The following RYR2 variants were observed in gnomAD, a reference collection of about 807,000 sequenced individuals.
RYR2 encodes the protein cardiac muscle ryanodine receptor-calcium release channel.
A neutral mutation model predicts 601.1 loss-of-function variants in RYR2; 227 were observed. That is an observed-to-expected ratio of 0.38 (90% CI 0.34 to 0.42). The LOEUF (loss-of-function observed/expected upper bound fraction) is 0.42. Ranked by LOEUF, RYR2 falls within the 10% of genes least tolerant of loss-of-function variation. The pLI is 1.00. For missense variants in RYR2, 4,646 were observed against 6,156.5 expected, an observed-to-expected ratio of 0.75 and a Z score of 8.21; for synonymous variants, 2,223 against 2,175.1, an observed-to-expected ratio of 1.02 and a Z score of -0.61.
intron 1 of RYR2, among the ~76,000 whole-genome samples, chr1:237,263,740 G>A (rs1688760725): frequency 6.6e-6 from 1 of 152,142 alleles, no homozygotes. Flanking sequence ...GGTCATCTAT[G>A]TATCTATTTA....
At chr1:237,181,739 A>G (rs1361216349) in intron 1 of RYR2, among the ~76,000 whole-genome samples, 1 of 152,252 alleles carries the variant, frequency 6.6e-6, no homozygotes, top group African/African-American at 2.4e-5. Context: ...ACTGTGCTGC[A>G]TGAATGTAAA....
At chr1:237,068,248 G>C (rs1465280044) in intron 1 of RYR2, among the ~76,000 whole-genome samples, 2 of 152,056 alleles carry the variant, frequency 1.3e-5, no homozygotes, top group Non-Finnish European at 2.9e-5. Flanking sequence ...GACATGCAGA[G>C]ACGAGGACAT....
chr1:237,573,709 G>A (rs1672943639), intron 29 of RYR2, among the ~76,000 whole-genome samples: 1 of 151,688 alleles, frequency 6.6e-6, no homozygotes, highest in African/African-American at 2.4e-5. Flanking sequence ...CTACTCGGGA[G>A]GCTGAGGCAG....
intron 8 of RYR2, among the ~76,000 whole-genome samples, chr1:237,381,440 A>G (rs886548830): frequency 6.6e-6 from 1 of 152,176 alleles, no homozygotes; most frequent in Non-Finnish European, 1.5e-5. Context: ...TAAGTTTAAC[A>G]ATGTGTCTGA....
intron 100 of RYR2, among the ~76,000 whole-genome samples, chr1:237,817,820 T>A (rs146617270): frequency 1.3e-5 from 2 of 152,330 alleles, no homozygotes; most frequent in African/African-American, 4.8e-5. Flanking sequence ...TTAAGGCTTT[T>A]GTCCCCATCA....
chr1:237,728,995 CT>C (rs921497881), intron 76 of RYR2, among the ~76,000 whole-genome samples: 5 of 151,850 alleles, frequency 3.3e-5, no homozygotes, highest in African/African-American at 1.2e-4. Flanking sequence ...ATTATCATTT[CT>C]TTTTGGTTAC....
At chr1:237,434,501 TC>T (rs1241033351) in intron 12 of RYR2, among the ~76,000 whole-genome samples, 1 of 152,226 alleles carries the variant, frequency 6.6e-6, no homozygotes, top group Non-Finnish European at 1.5e-5. Context: ...CTTTCTCTAT[TC>T]CTAGAAGTTG....
rs976774748 is a variant in RYR2 at position 237,808,800 on chromosome 1, G to A, written c.14299-101G>A. The A allele has an allele frequency of 1.5e-5, 16 of 1,064,170 alleles. No homozygotes were observed. The East Asian group carries it at 2.7e-4, about 18-fold the overall frequency. 65.9% of individuals were successfully genotyped at this position (1,064,170 alleles called of 1,614,324 possible). A position where few individuals can be genotyped will look rare whatever the true frequency, so the allele number is the denominator to read the frequency against. ...GATCCCATTAGCTTCTAGTAAACAC[G>A]GCTGTGTTCTCACTAGAGCACTCGC... On this transcript the variant is annotated intron_variant, in intron 99 of 104. Transcript: ENST00000366574.
intron 84 of RYR2, among the ~76,000 whole-genome samples, chr1:237,764,593 C>A (rs1693700090): frequency 6.6e-6 from 1 of 151,774 alleles, no homozygotes; most frequent in Non-Finnish European, 1.5e-5. Flanking sequence ...GGATTACAGG[C>A]CTGCCACCAC....
At position 237,727,107 on chromosome 1, in the gene RYR2, T is replaced by C. The variant is rs767479069; in HGVS notation, c.10746T>C (p.Ser3582=). 1.3e-6 allele frequency: 2 copies of C among 1,591,830 alleles called. No individual in the cohort carries two copies. The highest frequency in any genetic ancestry group is 1.7e-6 in the Non-Finnish European group (2 of 1,160,020). ...HYCLVEHPQR[S]KKAVWHKLLS... ...CTCAGGTGGAACATCCTCAGAGATC[T>C]AAAAAGGCTGTATGGCATAAACTAC... The change falls in exon 76 of 105, where the codon TCT becomes TCC. Residue 3582 remains serine, a synonymous_variant. Transcript: ENST00000366574.
At chr1:237,112,703 T>C (rs1397750234) in intron 1 of RYR2, among the ~76,000 whole-genome samples, 1 of 152,226 alleles carries the variant, frequency 6.6e-6, no homozygotes, top group East Asian at 1.9e-4. Context: ...AATTATGGTT[T>C]TATGTTTTTA....
intron 36 of RYR2, among the ~76,000 whole-genome samples, chr1:237,611,662 T>G (rs2148579335): frequency 6.6e-6 from 1 of 152,210 alleles, no homozygotes; most frequent in South Asian, 2.1e-4. Context: ...AAGATTTCCC[T>G]CCCAAAATGC....
chr1:237,760,162 G>A (rs1170320373), intron 83 of RYR2, among the ~76,000 whole-genome samples: 1 of 150,408 alleles, frequency 6.6e-6, no homozygotes, highest in Non-Finnish European at 1.5e-5. Context: ...CTGGGTAACA[G>A]GGCAAGACTC....
chr1:237,567,073 C>G (rs1231050943), intron 28 of RYR2, among the ~76,000 whole-genome samples: 1 of 151,046 alleles, frequency 6.6e-6, no homozygotes, highest in Non-Finnish European at 1.5e-5. Flanking sequence ...ATTGACGCAG[C>G]GATTCCGTAT....
At chr1:237,577,551 T>TGTGAGAGAGA (rs1559055386) in intron 29 of RYR2, among the ~76,000 whole-genome samples, 2 of 129,514 alleles carry the variant, frequency 1.5e-5, no homozygotes, top group Non-Finnish European at 3.5e-5. Flanking sequence ...TGTGTGTGTT[T>TGTGAGAGAGA]GAGAGAGAGA....
chr1:237,144,750 G>A (rs931677853), intron 1 of RYR2, among the ~76,000 whole-genome samples: 2 of 152,058 alleles, frequency 1.3e-5, no homozygotes, highest in African/African-American at 2.4e-5. Flanking sequence ...TATTCCTTGT[G>A]CTATTTTCCT....
intron 1 of RYR2, among the ~76,000 whole-genome samples, chr1:237,190,104 G>T (rs1349448743): frequency 6.6e-6 from 1 of 151,966 alleles, no homozygotes; most frequent in Non-Finnish European, 1.5e-5. Context: ...GGCCAGGCTA[G>T]TCTTGAACTC....
At chr1:237,129,491 G>C (rs1671919777) in intron 1 of RYR2, among the ~76,000 whole-genome samples, 2 of 152,258 alleles carry the variant, frequency 1.3e-5, no homozygotes, top group South Asian at 4.1e-4. Context: ...ACTTAGTCTA[G>C]AGAATGTTGC....
intron 3 of RYR2, among the ~76,000 whole-genome samples, chr1:237,337,643 G>A (rs886233553): frequency 2.6e-5 from 4 of 152,058 alleles, no homozygotes; most frequent in Admixed American, 1.3e-4. Context: ...TAGAACAATC[G>A]TGGCATGCAA....
Sources: gnomAD v4.1 joint callset for allele counts (sites outside exome capture counted in the v4.1 genomes callset) on GRCh38, gnomAD v4.1.1 for gene constraint, MANE v1.5 for transcripts, NCBI Gene and HGNC (gene_info 2026-07-23, HGNC 2026-07-21) for gene names.